Variants in RAB27A observed in about 807,000 individuals in gnomAD.
The protein encoded by RAB27A is ras-related protein Rab-27A.
RAB27A carries 17 observed loss-of-function variants against 20.8 expected under a neutral mutation model. The observed-to-expected ratio is 0.82, with a 90% CI of 0.56 to 1.23. The LOEUF (loss-of-function observed/expected upper bound fraction) is 1.23, where lower values mean the gene tolerates loss of function less well. Ranked by LOEUF, RAB27A falls within the 50% of genes most tolerant of loss-of-function variation. RAB27A has a pLI of 0.00. For missense variants in RAB27A, 277 were observed against 266.7 expected (o/e 1.04, Z -0.27); for synonymous variants, 85 against 92.8 (o/e 0.92, Z 0.48).
intron 2 of RAB27A, chr15:55,260,155 T>C (rs1353354374): frequency 6.6e-6 from 1 of 152,228 alleles, no homozygotes; most frequent in Non-Finnish European, 1.5e-5. Flanking sequence ...CAAAAGAAGA[T>C]ATACAAATGG....
chr15:55,306,527 C>T (rs575084835), intron 2 of RAB27A, among the ~76,000 whole-genome samples: 1 of 152,072 alleles, frequency 6.6e-6, no homozygotes, highest in South Asian at 2.1e-4. Flanking sequence ...ATCTTGAACT[C>T]CACCCCTATC....
At chr15:55,258,364 C>A (rs1206572987) in intron 2 of RAB27A, among the ~76,000 whole-genome samples, 1 of 152,102 alleles carries the variant, frequency 6.6e-6, no homozygotes, top group Admixed American at 6.5e-5. Context: ...AATTGCTTTC[C>A]AACCTTGTTC....
At chr15:55,275,926 A>AAAAC (rs1555399566) in intron 1 of RAB27A, among the ~76,000 whole-genome samples, 1 of 149,364 alleles carries the variant, frequency 6.7e-6, no homozygotes, top group Non-Finnish European at 1.5e-5. Context: ...ATTAAAAAAA[A>AAAAC]AAAAAAAAAA....
At chr15:55,253,451 G>A (rs199941881) in intron 2 of RAB27A, among the ~76,000 whole-genome samples, 10 of 144,194 alleles carry the variant, frequency 6.9e-5, no homozygotes, top group Non-Finnish European at 7.6e-5. Context: ...CGTCTCAAAG[G>A]AAAAAAAAAA....
intron 2 of RAB27A, among the ~76,000 whole-genome samples, chr15:55,243,758 G>T (rs1180253988): frequency 1.3e-5 from 2 of 152,092 alleles, no homozygotes; most frequent in Non-Finnish European, 2.9e-5. Flanking sequence ...GTACAATGGG[G>T]ATCCAACTCA....
At chr15:55,312,516 G>A (rs1166530050) in intron 2 of RAB27A, among the ~76,000 whole-genome samples, 1 of 152,214 alleles carries the variant, frequency 6.6e-6, no homozygotes, top group African/African-American at 2.4e-5. Flanking sequence ...CCAACCAGTA[G>A]TGTATGAAGC....
At chr15:55,268,051 G>T (rs1897567425) in intron 2 of RAB27A, among the ~76,000 whole-genome samples, 1 of 152,192 alleles carries the variant, frequency 6.6e-6, no homozygotes, top group African/African-American at 2.4e-5. Flanking sequence ...GACAGAGAGA[G>T]CAGCCAAGAT....
exon 1 of RAB27A, chr15:55,319,020 C>T: frequency 4.0e-6 from 2 of 506,140 alleles, no homozygotes; most frequent in South Asian, 5.7e-5. Context: ...AGTTTTCGGA[C>T]CCCCGAGCAC....
At chr15:55,243,152 T>C (rs1335809860) in intron 2 of RAB27A, among the ~76,000 whole-genome samples, 1 of 152,160 alleles carries the variant, frequency 6.6e-6, no homozygotes, top group Non-Finnish European at 1.5e-5. Flanking sequence ...ACAGAAGTCA[T>C]AAATTGGGAG....
chr15:55,265,856 GTGTT>G (rs1897459046), intron 2 of RAB27A, among the ~76,000 whole-genome samples: 1 of 152,166 alleles, frequency 6.6e-6, no homozygotes, highest in Non-Finnish European at 1.5e-5. Context: ...ACATGGGAAA[GTGTT>G]TGAGACCTGG....
intron 2 of RAB27A, among the ~76,000 whole-genome samples, chr15:55,242,941 T>C (rs1896550001): frequency 6.6e-6 from 1 of 152,222 alleles, no homozygotes; most frequent in South Asian, 2.1e-4. Context: ...CTGTATTCCT[T>C]CCTTCAGAGT....
At chr15:55,259,686 T>C (rs1394349683) in intron 2 of RAB27A, among the ~76,000 whole-genome samples, 1 of 152,240 alleles carries the variant, frequency 6.6e-6, no homozygotes, top group Non-Finnish European at 1.5e-5. Flanking sequence ...GAATTCAAGG[T>C]ATATGTAGGG....
intron 1 of RAB27A, among the ~76,000 whole-genome samples, chr15:55,318,157 G>C (rs2055072516): frequency 6.7e-6 from 1 of 149,976 alleles, no homozygotes; most frequent in Admixed American, 6.6e-5. Flanking sequence ...GAGTGCAATG[G>C]CGCAATCTCG....
intron 1 of RAB27A, among the ~76,000 whole-genome samples, chr15:55,286,097 T>C (rs1305764154): frequency 2.0e-5 from 3 of 152,122 alleles, no homozygotes; most frequent in African/African-American, 4.8e-5. Context: ...GGGAAAGAAA[T>C]AGCAGAACAC....
chr15:55,218,243 A>G (rs78587257), intron 6 of RAB27A, among the ~76,000 whole-genome samples: 5,019 of 152,088 alleles, frequency 0.033, 296 homozygotes, highest in African/African-American at 0.11. Context: ...TAATTGAACA[A>G]CATTTCCAGG....
At chr15:55,210,220 T>TGTATACATACACACATGTATGTGTGTAC (rs1894949700) in intron 6 of RAB27A, among the ~76,000 whole-genome samples, 1 of 142,508 alleles carries the variant, frequency 7.0e-6, no homozygotes, top group Admixed American at 6.9e-5. Flanking sequence ...TGTATGTGTA[T>TGTATACATACACACATGTATGTGTGTAC]GTATATATAC....
intron 2 of RAB27A, among the ~76,000 whole-genome samples, chr15:55,312,176 G>A (rs576973294): frequency 2.0e-5 from 3 of 152,234 alleles, no homozygotes; most frequent in Admixed American, 6.5e-5. Flanking sequence ...GCTGGATCAG[G>A]AGCACAGCAG....
intron 1 of RAB27A, among the ~76,000 whole-genome samples, chr15:55,279,349 T>A (rs1009256539): frequency 2.0e-5 from 3 of 152,210 alleles, no homozygotes; most frequent in African/African-American, 7.2e-5. Context: ...CAGAATCACC[T>A]AGGATATGTG....
intron 2 of RAB27A, among the ~76,000 whole-genome samples, chr15:55,236,931 A>G (rs1896281315): frequency 6.6e-6 from 1 of 152,148 alleles, no homozygotes; most frequent in African/African-American, 2.4e-5. Flanking sequence ...TCTACTGTTG[A>G]ACATTAGAAC....
Sources: gnomAD v4.1 joint callset for allele counts (sites outside exome capture counted in the v4.1 genomes callset) on GRCh38, gnomAD v4.1.1 for gene constraint, MANE v1.5 for transcripts, NCBI Gene and HGNC (gene_info 2026-07-23, HGNC 2026-07-21) for gene names.